The following OR3A2 variants were observed in gnomAD, a reference collection of about 807,000 sequenced individuals.
OR3A2 encodes olfactory receptor family 3 subfamily A member 2, also known as olfactory receptor 3A2.
For synonymous variants in OR3A2, 126 were observed against 159.3 expected (o/e 0.79, Z 1.57); for missense variants, 318 against 392.8 (o/e 0.81, Z 1.61).
upstream of OR3A2, among the ~76,000 whole-genome samples, chr17:3,286,219 T>C (rs998845986): frequency 6.6e-6 from 1 of 152,238 alleles, no homozygotes; most frequent in Non-Finnish European, 1.5e-5. Context: ...TCCAGCTTCA[T>C]CCATGTCCCT....
chr17:3,383,332 G>A (rs2049754238), intron 2 of OR3A2, among the ~76,000 whole-genome samples: 1 of 152,224 alleles, frequency 6.6e-6, no homozygotes, highest in Non-Finnish European at 1.5e-5. Flanking sequence ...GGAACAGAGA[G>A]AAACCATCAG....
chr17:3,344,998 A>G (rs1466982747), intron 2 of OR3A2, among the ~76,000 whole-genome samples: 1 of 152,174 alleles, frequency 6.6e-6, no homozygotes, highest in African/African-American at 2.4e-5. Context: ...TGTTGGCCTC[A>G]TCCTCAAGTG....
chr17:3,335,602 T>C (rs1345171575), intron 3 of OR3A2, among the ~76,000 whole-genome samples: 1 of 152,224 alleles, frequency 6.6e-6, no homozygotes, highest in African/African-American at 2.4e-5. Flanking sequence ...ATGGCTCAAA[T>C]TGTTACACAA....
At chr17:3,321,504 T>A (rs1368596645) in intron 3 of OR3A2, among the ~76,000 whole-genome samples, 1 of 151,372 alleles carries the variant, frequency 6.6e-6, no homozygotes, top group African/African-American at 2.4e-5. Flanking sequence ...CAGTATGATA[T>A]TGGCTGTGGG....
At chr17:3,334,760 C>T (rs1335331737) in intron 3 of OR3A2, among the ~76,000 whole-genome samples, 1 of 152,136 alleles carries the variant, frequency 6.6e-6, no homozygotes, top group East Asian at 1.9e-4. Context: ...AATCATCTAT[C>T]CATTTATTCA....
chr17:3,309,588 T>C (rs1008375446), intron 3 of OR3A2, among the ~76,000 whole-genome samples: 3 of 152,188 alleles, frequency 2.0e-5, no homozygotes, highest in Admixed American at 1.3e-4. Context: ...GTCAGTACTT[T>C]TGAGCCCAAA....
At chr17:3,291,511 CA>C in intron 3 of OR3A2, 1 of 691,476 alleles carries the variant, frequency 1.4e-6, no homozygotes, top group East Asian at 2.7e-5. Flanking sequence ...TTATTCCCTA[CA>C]AAAAGTCCTT....
At chr17:3,353,642 T>C (rs1194356102) in intron 2 of OR3A2, among the ~76,000 whole-genome samples, 2 of 151,842 alleles carry the variant, frequency 1.3e-5, no homozygotes, top group African/African-American at 2.4e-5. Context: ...ATTCTGTTGA[T>C]ATGATGCATC....
chr17:3,380,542 C>G (rs765731931), intron 2 of OR3A2, among the ~76,000 whole-genome samples: 1 of 152,204 alleles, frequency 6.6e-6, no homozygotes, highest in African/African-American at 2.4e-5. Context: ...CCTCCCCCAC[C>G]AGTGCTCAAG....
rs918372803 is a variant in OR3A2 at position 3,386,265 on chromosome 17, C to G, written c.-415G>C. On this transcript the variant is annotated 5_prime_UTR_variant, in exon 1 of 5. It removes the in-frame stop codon of an upstream open reading frame in the 5' UTR. Transcript: ENST00000573491. The stretch of plus-strand genomic sequence containing the variant: ...TCGTGGCTCTGGGCATCACCGAGAG[C>G]TACCTCCTGGCGGCCATGTCCTACG... 5 of 398,672 alleles carry G rather than the reference C, an allele frequency of 1.3e-5. No individual in the cohort carries two copies. The highest frequency in any genetic ancestry group is 2.1e-5 in the African/African-American group (1 of 48,634). The allele number at this position is 398,672 out of a possible 1,614,324, so 24.7% of individuals were successfully genotyped here. A position where few individuals can be genotyped will look rare whatever the true frequency, so the allele number is the denominator to read the frequency against.
chr17:3,346,583 C>A (rs777191741), intron 2 of OR3A2, among the ~76,000 whole-genome samples: 1 of 152,026 alleles, frequency 6.6e-6, no homozygotes, highest in Non-Finnish European at 1.5e-5. Context: ...ATGTACAAAC[C>A]ATTATTAATT....
At chr17:3,336,625 A>C (rs1357825467) in intron 2 of OR3A2, among the ~76,000 whole-genome samples, 1 of 152,192 alleles carries the variant, frequency 6.6e-6, no homozygotes, top group Non-Finnish European at 1.5e-5. Context: ...CTCTACAATA[A>C]ATATTTGAAT....
chr17:3,375,670 C>A (rs1424266781), intron 2 of OR3A2, among the ~76,000 whole-genome samples: 1 of 152,018 alleles, frequency 6.6e-6, no homozygotes, highest in Non-Finnish European at 1.5e-5. Flanking sequence ...TGTTATAGAA[C>A]CTTGTTTTGC....
intron 2 of OR3A2, among the ~76,000 whole-genome samples, chr17:3,381,953 A>G (rs183363116): frequency 4.1e-4 from 62 of 152,292 alleles, no homozygotes; most frequent in Admixed American, 8.5e-4. Context: ...GAAAAAACAA[A>G]AACAAAACAA....
chr17:3,376,840 T>C (rs1415632303), intron 2 of OR3A2, among the ~76,000 whole-genome samples: 1 of 152,012 alleles, frequency 6.6e-6, no homozygotes, highest in Non-Finnish European at 1.5e-5. Context: ...AGGATCCCTG[T>C]GAGATAAGGC....
intron 3 of OR3A2, among the ~76,000 whole-genome samples, chr17:3,319,540 C>A (rs954025214): frequency 1.4e-4 from 22 of 152,106 alleles, no homozygotes; most frequent in African/African-American, 5.1e-4. Context: ...CACCACCCCA[C>A]AACAGTCCCC....
chr17:3,371,482 A>C (rs1317182708), intron 2 of OR3A2, among the ~76,000 whole-genome samples: 7 of 97,620 alleles, frequency 7.2e-5, no homozygotes, highest in African/African-American at 8.3e-5. Context: ...TGATCCCCCC[A>C]CCTCCCTCCC....
At chr17:3,336,945 G>T (rs1318220583) in intron 2 of OR3A2, among the ~76,000 whole-genome samples, 1 of 152,086 alleles carries the variant, frequency 6.6e-6, no homozygotes, top group Non-Finnish European at 1.5e-5. Flanking sequence ...CCCTTTGACT[G>T]TGTTCTCCAT....
chr17:3,303,918 G>A (rs940503567), intron 3 of OR3A2, among the ~76,000 whole-genome samples: 2 of 126,952 alleles, frequency 1.6e-5, no homozygotes, highest in Non-Finnish European at 3.4e-5. Context: ...TATAGATATA[G>A]ATATAAATAT....
Sources: allele counts gnomAD v4.1 joint callset (sites outside exome capture counted in the v4.1 genomes callset), GRCh38; gene constraint gnomAD v4.1.1; transcripts MANE v1.5; gene names NCBI Gene and HGNC (gene_info 2026-07-23, HGNC 2026-07-21).